ZC3H12B: variants seen among roughly 807,000 people sequenced by gnomAD.
The protein encoded by ZC3H12B is probable ribonuclease ZC3H12B.
In ZC3H12B, 7 loss-of-function variants were observed where a neutral mutation model predicts 43.9. That is an observed-to-expected ratio of 0.16 (90% CI 0.09 to 0.30). The LOEUF (loss-of-function observed/expected upper bound fraction) is 0.30. Ranked by LOEUF, ZC3H12B falls within the 10% of genes least tolerant of loss-of-function variation. ZC3H12B has a pLI of 1.00. For missense variants in ZC3H12B, 475 were observed against 670.2 expected (o/e 0.71, Z 3.22); for synonymous variants, 222 against 241.7 (o/e 0.92, Z 0.76).
At chrX:65,488,998 A>C in exon 1 of ZC3H12B, 1 of 1,211,608 alleles carries the variant, frequency 8.3e-7, no homozygotes, top group Non-Finnish European at 1.1e-6. Context: ...AGGGATGGTC[A>C]GTTGAAGAAA....
the ZC3H12B span, among the ~76,000 whole-genome samples, chrX:65,192,399 G>A: frequency 2.7e-5 from 3 of 111,261 alleles, no homozygotes; most frequent in Admixed American, 9.6e-5. Context: ...TTGAATAACA[G>A]TGGTGTTAAG....
At chrX:65,299,849 G>T in the ZC3H12B span, among the ~76,000 whole-genome samples, 1 of 112,579 alleles carries the variant, frequency 8.9e-6, no homozygotes, top group South Asian at 3.6e-4. Flanking sequence ...AAGTGTGAGA[G>T]GGGGAACGTC....
chrX:65,419,661 A>G (rs1392806988), intron 3 of ZC3H12B, among the ~76,000 whole-genome samples: 1 of 110,969 alleles, frequency 9.0e-6, no homozygotes, highest in African/African-American at 3.3e-5. Context: ...ACACAGCACC[A>G]TGGCAGCCCC....
At chrX:65,121,256 T>C in the ZC3H12B span, among the ~76,000 whole-genome samples, 3 of 111,729 alleles carry the variant, frequency 2.7e-5, no homozygotes, top group African/African-American at 6.5e-5. Context: ...TCTGGTGGAA[T>C]TCGGCTGTGA....
chrX:65,307,306 T>C, the ZC3H12B span, among the ~76,000 whole-genome samples: 5 of 111,964 alleles, frequency 4.5e-5, no homozygotes, highest in Non-Finnish European at 9.4e-5. Context: ...TATGTGTCCA[T>C]GAATTAGAAT....
chrX:65,179,691 C>T, the ZC3H12B span, among the ~76,000 whole-genome samples: 1 of 111,589 alleles, frequency 9.0e-6, no homozygotes, highest in South Asian at 3.7e-4. Flanking sequence ...AAACTATCAT[C>T]AGAGAATACT....
At chrX:65,389,942 A>C (rs1425123444) in intron 2 of ZC3H12B, among the ~76,000 whole-genome samples, 1 of 112,225 alleles carries the variant, frequency 8.9e-6, no homozygotes, top group Admixed American at 9.4e-5. Context: ...ATGCTGCTAT[A>C]AAGACACATG....
the ZC3H12B span, among the ~76,000 whole-genome samples, chrX:65,152,424 C>G: frequency 9.0e-6 from 1 of 111,481 alleles, no homozygotes; most frequent in Non-Finnish European, 1.9e-5. Flanking sequence ...CACAAGCATT[C>G]TTATACACCA....
chrX:65,129,242 T>TACATATATAC, the ZC3H12B span, among the ~76,000 whole-genome samples: 5 of 106,572 alleles, frequency 4.7e-5, no homozygotes, highest in African/African-American at 1.7e-4. Flanking sequence ...ATTATATATG[T>TACATATATAC]ATGTGTGTAT....
intron 1 of ZC3H12B, among the ~76,000 whole-genome samples, chrX:65,367,636 A>T (rs2147974667): frequency 9.0e-6 from 1 of 111,157 alleles, no homozygotes; most frequent in African/African-American, 3.3e-5. Context: ...CAGTAAACAA[A>T]TTTTCCAAGG....
the ZC3H12B span, among the ~76,000 whole-genome samples, chrX:65,161,898 C>T: frequency 8.9e-6 from 1 of 111,896 alleles, no homozygotes; most frequent in African/African-American, 3.2e-5. Context: ...TTTGCAGTGG[C>T]TGGTACTGGT....
chrX:65,382,550 G>T (rs2066458129), intron 2 of ZC3H12B, among the ~76,000 whole-genome samples: 1 of 111,489 alleles, frequency 9.0e-6, no homozygotes, highest in African/African-American at 3.3e-5. Flanking sequence ...CACAAGACAG[G>T]TATACCCTCT....
chrX:65,360,214 G>A, the ZC3H12B span, among the ~76,000 whole-genome samples: 4 of 112,365 alleles, frequency 3.6e-5, no homozygotes, highest in African/African-American at 6.5e-5. Flanking sequence ...TCACTTTATT[G>A]TGATATTTAC....
chrX:65,455,213 A>C (rs1602473556), intron 3 of ZC3H12B, among the ~76,000 whole-genome samples: 1 of 112,038 alleles, frequency 8.9e-6, no homozygotes, highest in South Asian at 3.7e-4. Flanking sequence ...CATGGCAAAG[A>C]AGTTAAAAAC....
the ZC3H12B span, among the ~76,000 whole-genome samples, chrX:65,107,006 A>G: frequency 9.0e-6 from 1 of 111,210 alleles, no homozygotes; most frequent in Non-Finnish European, 1.9e-5. Context: ...TCACGTGGAG[A>G]TGGATACTCA....
the ZC3H12B span, among the ~76,000 whole-genome samples, chrX:65,249,135 C>G: frequency 9.0e-6 from 1 of 111,317 alleles, no homozygotes; most frequent in African/African-American, 3.3e-5. Flanking sequence ...TTTTGGATTC[C>G]TGATTATAAA....
chrX:65,375,743 C>A (rs1220890456), intron 2 of ZC3H12B, among the ~76,000 whole-genome samples: 3 of 111,304 alleles, frequency 2.7e-5, no homozygotes, highest in Non-Finnish European at 5.6e-5. Context: ...AGGCAGGACC[C>A]ATCACCTGCT....
chrX:65,396,335 C>T (rs2066697356), intron 2 of ZC3H12B, among the ~76,000 whole-genome samples: 1 of 111,920 alleles, frequency 8.9e-6, no homozygotes, highest in African/African-American at 3.2e-5. Flanking sequence ...ACAAATTTTC[C>T]ATTAAACGCT....
the ZC3H12B span, among the ~76,000 whole-genome samples, chrX:65,122,428 A>C: frequency 9.0e-6 from 1 of 111,388 alleles, no homozygotes; most frequent in South Asian, 3.8e-4. Flanking sequence ...CACTGCAAAA[A>C]CATGCCAAAT....
Sources: allele counts gnomAD v4.1 joint callset (sites outside exome capture counted in the v4.1 genomes callset), GRCh38; gene constraint gnomAD v4.1.1; transcripts MANE v1.5; gene names NCBI Gene and HGNC (gene_info 2026-07-23, HGNC 2026-07-21).